PDZRN4: variants seen among roughly 807,000 people sequenced by gnomAD.
PDZRN4 encodes PDZ domain-containing RING finger protein 4.
In PDZRN4, 70 loss-of-function variants were observed where a neutral mutation model predicts 99.0. The ratio of observed to expected loss-of-function variants is 0.71; its 90% CI spans 0.58 to 0.86. The LOEUF is 0.86. Ranked by LOEUF, PDZRN4 falls within the 40% of genes least tolerant of loss-of-function variation. The pLI, the probability that PDZRN4 is intolerant of heterozygous loss-of-function variation, is 0.00. For missense variants in PDZRN4, 1,474 were observed against 1,331.2 expected (o/e 1.11, Z -1.67); for synonymous variants, 551 against 501.6 (o/e 1.10, Z -1.32).
rs1952353482 is a variant in PDZRN4 at position 41,406,768 on chromosome 12, G to C, written c.844-99688G>C. Among the ~76,000 whole-genome samples, 3 of 142,756 alleles carry C rather than the reference G, an allele frequency of 2.1e-5. No individual in the cohort carries two copies. In the South Asian group the frequency reaches 6.9e-4, roughly 33 times the overall value. 93.7% of individuals were successfully genotyped at this position (142,756 alleles called of 152,430 possible). ...AGCTTCTCGGGAGGCTGAGGCAGGA[G>C]AATCGTTTGAACCTGGGAGGCGGAG... On this transcript the variant is annotated intron_variant, in intron 3 of 9. Transcript: ENST00000402685.
At chr12:41,255,034 A>C (rs75078763) in intron 3 of PDZRN4, among the ~76,000 whole-genome samples, 4,913 of 152,260 alleles carry the variant, frequency 0.032, 145 homozygotes, top group East Asian at 0.12. Flanking sequence ...GTAGTCACAC[A>C]ACTGCCCTCC....
At chr12:41,497,648 G>A (rs879394304) in intron 3 of PDZRN4, among the ~76,000 whole-genome samples, 1 of 152,064 alleles carries the variant, frequency 6.6e-6, no homozygotes, top group Non-Finnish European at 1.5e-5. Flanking sequence ...AATTAGCCAG[G>A]AGGCAGCCAT....
At chr12:41,272,316 A>T (rs926968441) in intron 3 of PDZRN4, among the ~76,000 whole-genome samples, 1 of 152,122 alleles carries the variant, frequency 6.6e-6, no homozygotes, top group Non-Finnish European at 1.5e-5. Context: ...TGGTTATGAA[A>T]ATTTCTAACT....
At chr12:41,307,061 T>C (rs574754943) in intron 3 of PDZRN4, among the ~76,000 whole-genome samples, 17 of 152,310 alleles carry the variant, frequency 1.1e-4, no homozygotes, top group African/African-American at 3.6e-4. Flanking sequence ...TTTTCTATCA[T>C]GCACCTTGAA....
At chr12:41,399,985 A>G (rs1952278404) in intron 3 of PDZRN4, among the ~76,000 whole-genome samples, 1 of 152,084 alleles carries the variant, frequency 6.6e-6, no homozygotes, top group Admixed American at 6.6e-5. Context: ...AGAGAACGTT[A>G]TGGCCCTCTG....
chr12:41,495,357 C>T (rs539927851), intron 3 of PDZRN4, among the ~76,000 whole-genome samples: 3 of 152,030 alleles, frequency 2.0e-5, no homozygotes, highest in Non-Finnish European at 4.4e-5. Context: ...TAAAATTCAA[C>T]CTCTTCAGCT....
chr12:41,341,938 G>C (rs923168744), intron 3 of PDZRN4, among the ~76,000 whole-genome samples: 7 of 151,814 alleles, frequency 4.6e-5, no homozygotes, highest in Non-Finnish European at 8.8e-5. Flanking sequence ...CACACTACTT[G>C]ACTCCAAAAT....
intron 3 of PDZRN4, among the ~76,000 whole-genome samples, chr12:41,269,731 G>T (rs544375707): frequency 5.2e-4 from 79 of 152,194 alleles, no homozygotes; most frequent in Non-Finnish European, 1.1e-3. Flanking sequence ...AGACTGTGTT[G>T]TTTCTTGAGG....
At chr12:41,405,205 C>T (rs1046460222) in intron 3 of PDZRN4, among the ~76,000 whole-genome samples, 2 of 151,976 alleles carry the variant, frequency 1.3e-5, no homozygotes, top group African/African-American at 2.4e-5. Context: ...AACTATGCAT[C>T]CAACAAAAGT....
At chr12:41,318,577 A>G (rs1452667826) in intron 3 of PDZRN4, among the ~76,000 whole-genome samples, 1 of 152,228 alleles carries the variant, frequency 6.6e-6, no homozygotes, top group Admixed American at 6.5e-5. Context: ...CCCTAGCCAC[A>G]TAACATCATC....
intron 3 of PDZRN4, among the ~76,000 whole-genome samples, chr12:41,257,925 G>A (rs902922592): frequency 7.9e-5 from 12 of 152,256 alleles, no homozygotes; most frequent in African/African-American, 2.9e-4. Flanking sequence ...CAGCACTTAT[G>A]TACCTCTGCT....
chr12:41,309,582 TA>T lies in PDZRN4; in HGVS notation c.843+115396del, dbSNP rs1322740813. Among the ~76,000 whole-genome samples the T allele has an allele frequency of 2.0e-5, 3 of 152,218 alleles. No individual in the cohort carries two copies. In the East Asian group the frequency reaches 5.8e-4, roughly 29 times the overall value. ...GCTTTTTTGGGAGACATAGTCAAGG[TA>T]ACTATAAGTAATATTAAAGTTAAAA... On this transcript the variant is annotated intron_variant, in intron 3 of 9. Coordinates refer to ENST00000402685, the MANE Select transcript of PDZRN4 (RefSeq NM_001164595.2).
intron 3 of PDZRN4, among the ~76,000 whole-genome samples, chr12:41,372,685 TG>T (rs1952050331): frequency 6.6e-6 from 1 of 152,054 alleles, no homozygotes; most frequent in Non-Finnish European, 1.5e-5. Flanking sequence ...ACTGAGGAGT[TG>T]GGGGTTGAGG....
chr12:41,384,398 CACAG>C (rs1952150694), intron 3 of PDZRN4, among the ~76,000 whole-genome samples: 1 of 152,094 alleles, frequency 6.6e-6, no homozygotes, highest in African/African-American at 2.4e-5. Context: ...CTAGATTTAA[CACAG>C]ACAGAAACTT....
Position 41,572,939 on chromosome 12 carries a change from G to C in PDZRN4, c.2160G>C (p.Lys720Asn). The C allele has an allele frequency of 6.2e-7, 1 of 1,614,124 alleles. No individual in the cohort carries two copies. The highest frequency in any genetic ancestry group is 8.5e-7 in the Non-Finnish European group (1 of 1,180,006). ...YNTSIDMQRG[K>N]LDDIMEHPEK... ...CCAGCATAGATATGCAAAGGGGAAA[G>C]CTAGATGACATCATGGAGCATCCAG... The change falls in exon 10 of 10, where the codon AAG becomes AAC. Residue 720 changes from lysine (K) to asparagine (N), a missense_variant. By Grantham distance (94) the Lys-to-Asn change is moderately conservative. Transcript: ENST00000402685.
At chr12:41,229,040 A>T (rs897671450) in intron 3 of PDZRN4, among the ~76,000 whole-genome samples, 1 of 151,704 alleles carries the variant, frequency 6.6e-6, no homozygotes, top group Non-Finnish European at 1.5e-5. Flanking sequence ...TAAACCTATG[A>T]CCTCAATCAA....
intron 3 of PDZRN4, among the ~76,000 whole-genome samples, chr12:41,254,783 A>G (rs1566398708): frequency 6.6e-6 from 1 of 152,208 alleles, no homozygotes; most frequent in Non-Finnish European, 1.5e-5. Flanking sequence ...CTAAGTGAGA[A>G]CTGATAGATT....
chr12:41,304,180 T>C (rs1433108998), intron 3 of PDZRN4, among the ~76,000 whole-genome samples: 1 of 152,194 alleles, frequency 6.6e-6, no homozygotes, highest in Admixed American at 6.5e-5. Context: ...GCTGTTTACA[T>C]ACTTTCGAGT....
chr12:41,296,855 G>A (rs1157666020), intron 3 of PDZRN4, among the ~76,000 whole-genome samples: 1 of 152,132 alleles, frequency 6.6e-6, no homozygotes, highest in Non-Finnish European at 1.5e-5. Flanking sequence ...GCTACCAGGA[G>A]GCTGAGGTGG....
Sources: allele counts gnomAD v4.1 joint callset (sites outside exome capture counted in the v4.1 genomes callset), GRCh38; gene constraint gnomAD v4.1.1; transcripts MANE v1.5; gene names NCBI Gene and HGNC (gene_info 2026-07-23, HGNC 2026-07-21).